Variants in BTN2A1 observed in about 807,000 individuals in gnomAD.
The protein encoded by BTN2A1 is butyrophilin, subfamily 2, member A1.
A neutral mutation model predicts 34.5 loss-of-function variants in BTN2A1; 41 were observed. The observed-to-expected ratio is 1.19, with a 90% CI of 0.93 to 1.54. BTN2A1 has a LOEUF of 1.54. Ranked by LOEUF, BTN2A1 falls within the 40% of genes most tolerant of loss-of-function variation. The probability of loss-of-function intolerance (pLI) is 0.00; values close to 1 mark genes in which losing one functional copy is unlikely to be tolerated. For missense variants in BTN2A1, 642 were observed against 662.0 expected, an observed-to-expected ratio of 0.97 and a Z score of 0.33; for synonymous variants, 267 against 258.6, an observed-to-expected ratio of 1.03 and a Z score of -0.31.
Position 26,469,285 on chromosome 6 carries a change from G to C in BTN2A1, c.*736G>C. 5.0e-6 allele frequency: 5 copies of C among 994,718 alleles called. No homozygotes were observed. Among genetic ancestry groups the C allele is most frequent in the Non-Finnish European group, 6.0e-6 (5 of 835,064 alleles). The allele number at this position is 994,718 out of a possible 1,614,324, so 61.6% of individuals were successfully genotyped here. A position where few individuals can be genotyped will look rare whatever the true frequency, so the allele number is the denominator to read the frequency against. On this transcript the variant is annotated 3_prime_UTR_variant, in exon 8 of 8. Coordinates refer to ENST00000312541, the MANE Select transcript of BTN2A1 (RefSeq NM_007049.5). ...AATTTGAGGTCCTGGCTGAGCCAAG[G>C]AGTAATGGACCAGATCTACCTCAGT...
At chr6:26,459,358 C>G in intron 2 of BTN2A1, 123 bp from the exon 3 acceptor site, 2 of 1,090,628 alleles carry the variant, frequency 1.8e-6, no homozygotes, top group Non-Finnish European at 2.6e-6. Flanking sequence ...CCAGATTTCT[C>G]AGCCCAAAGA....
In BTN2A1 at chr6:26,468,954, G is replaced by A. The variant is rs1763400395; in HGVS notation, c.*405G>A. On this transcript the variant is annotated 3_prime_UTR_variant, in exon 8 of 8. Transcript: ENST00000312541. ...GGGTTCACCAGGATGTAAGAGGAGAGAGGAATCCACAGGACCACCAGAGAG... is the reference window on the plus strand; with the variant it reads ...GGGTTCACCAGGATGTAAGAGGAGAAAGGAATCCACAGGACCACCAGAGAG... 1 of 1,215,956 alleles carries A rather than the reference G, an allele frequency of 8.2e-7. No homozygotes were observed. Among genetic ancestry groups the A allele is most frequent in the Non-Finnish European group, 1.0e-6 (1 of 959,474 alleles). 75.3% of individuals were successfully genotyped at this position (1,215,956 alleles called of 1,614,324 possible).
Position 26,463,226 on chromosome 6 carries a change from C to T in BTN2A1, c.431-18C>T. The T allele has an allele frequency of 6.4e-7, 1 of 1,555,422 alleles. No individual in the cohort carries two copies. Among genetic ancestry groups the T allele is most frequent in the Non-Finnish European group, 8.7e-7 (1 of 1,153,510 alleles). ...AAAAGGCACTGACTTTTGCCTGAAC[C>T]CTGATATCTCTCCACAGGACTAGGC... On this transcript the variant is annotated intron_variant, in intron 3 of 7. Transcript: ENST00000312541.
intron 7 of BTN2A1, among the ~76,000 whole-genome samples, chr6:26,467,143 C>G (rs1763336692): frequency 1.3e-5 from 2 of 152,100 alleles, no homozygotes; most frequent in Admixed American, 1.3e-4. Context: ...CACATAGGAC[C>G]AATGAAGAGA....
intron 2 of BTN2A1, 140 bp downstream of exon 2, chr6:26,458,858 C>A: frequency 1.7e-6 from 2 of 1,157,262 alleles, no homozygotes; most frequent in Non-Finnish European, 1.3e-6. Context: ...TTTATACCAG[C>A]ACTGTCCAAA....
In BTN2A1 at chr6:26,468,979, G is replaced by C; in HGVS notation, c.*430G>C. 2 of 1,200,892 alleles carry C rather than the reference G, an allele frequency of 1.7e-6. No individual in the cohort carries two copies. The highest frequency in any genetic ancestry group is 3.1e-5 in the South Asian group (2 of 63,940). The allele number at this position is 1,200,892 out of a possible 1,614,324, so 74.4% of individuals were successfully genotyped here. On this transcript the variant is annotated 3_prime_UTR_variant, in exon 8 of 8. Coordinates refer to ENST00000312541, the MANE Select transcript of BTN2A1 (RefSeq NM_007049.5). ...GAGGAATCCACAGGACCACCAGAGAGGAGAGGGAACCAGATATGCAGATCA... is the reference window on the plus strand; with the variant it reads ...GAGGAATCCACAGGACCACCAGAGACGAGAGGGAACCAGATATGCAGATCA...
At chr6:26,465,462 T>C in intron 5 of BTN2A1, 56 bp downstream of exon 5, 2 of 1,539,662 alleles carry the variant, frequency 1.3e-6, no homozygotes, top group Non-Finnish European at 8.9e-7. Flanking sequence ...TGTGGGAGGC[T>C]GAGGCAGGCA....
In BTN2A1 at chr6:26,458,717, A is replaced by G. The variant is rs770545022; in HGVS notation, c.81A>G (p.Ser27=). 1.2e-6 allele frequency: 2 copies of G among 1,613,898 alleles called. No individual in the cohort carries two copies. The highest frequency in any genetic ancestry group is 1.7e-6 in the Non-Finnish European group (2 of 1,179,944). ...LLLLSLCALV[S]AQFIVVGPTD... is the part of the protein sequence containing the mutation. ...TCCTCAGCCTGTGTGCACTGGTCTC[A>G]GGTAGGGATGTGTGCCACTTGCTGC... The change falls in exon 2 of 8, where the codon TCA becomes TCG. Residue 27 remains serine (S), a splice_region_variant and synonymous_variant. Coordinates refer to ENST00000312541, the MANE Select transcript of BTN2A1 (RefSeq NM_007049.5).
chr6:26,471,021 G>T (rs1193017526), downstream of BTN2A1, among the ~76,000 whole-genome samples: 3 of 152,140 alleles, frequency 2.0e-5, no homozygotes, highest in Non-Finnish European at 4.4e-5. Flanking sequence ...CATCTAAAAT[G>T]CTGGCTTAAA....
In BTN2A1 at chr6:26,468,745, TC is replaced by T; in HGVS notation, c.*198del. On this transcript the variant is annotated 3_prime_UTR_variant, in exon 8 of 8. Coordinates refer to ENST00000312541, the MANE Select transcript of BTN2A1 (RefSeq NM_007049.5). ...CTCACTAGGCTGTGTTTTTAGTAGT[TC>T]CTTTGCTTGTAACTATGGGATGGGA... The T allele has an allele frequency of 1.2e-6, 2 of 1,611,008 alleles. No homozygotes were observed. Among genetic ancestry groups the T allele is most frequent in the Non-Finnish European group, 1.7e-6 (2 of 1,178,694 alleles).
intron 4 of BTN2A1, among the ~76,000 whole-genome samples, chr6:26,464,852 G>C (rs770282300): frequency 1.1e-4 from 17 of 152,186 alleles, no homozygotes; most frequent in Non-Finnish European, 2.1e-4. Flanking sequence ...CAGAAGGTAA[G>C]GGCAGAATAA....
chr6:26,473,214 C>G (rs1763480721), downstream of BTN2A1, among the ~76,000 whole-genome samples: 1 of 152,128 alleles, frequency 6.6e-6, no homozygotes, highest in Admixed American at 6.5e-5. Flanking sequence ...CTCCTGTCTG[C>G]TATCACTAGG....
intron 4 of BTN2A1, 121 bp downstream of exon 4, chr6:26,463,646 G>C: frequency 8.3e-7 from 1 of 1,200,656 alleles, no homozygotes; most frequent in South Asian, 1.5e-5. Context: ...CTAAGGACCT[G>C]GAGGCTGCAG....
At chr6:26,476,152 CA>C in exon 8 of BTN2A1, 1 of 1,536,294 alleles carries the variant, frequency 6.5e-7, no homozygotes, top group Non-Finnish European at 8.7e-7. Context: ...TATCATTTAC[CA>C]AACTTAGGGT....
intron 7 of BTN2A1, among the ~76,000 whole-genome samples, chr6:26,466,341 C>T (rs1561872476): frequency 6.6e-6 from 1 of 152,188 alleles, no homozygotes; most frequent in Non-Finnish European, 1.5e-5. Flanking sequence ...GCATGATTAC[C>T]AGAGGTGTCC....
At chr6:26,471,792 A>G (rs958743914), downstream of BTN2A1, among the ~76,000 whole-genome samples, 7 of 152,202 alleles carry the variant, frequency 4.6e-5, no homozygotes, top group Non-Finnish European at 8.8e-5. Flanking sequence ...TTGTGGATAC[A>G]TTAAGGTTGA....
At chr6:26,465,510 G>C in intron 5 of BTN2A1, 104 bp downstream of exon 5, 1 of 1,005,870 alleles carries the variant, frequency 9.9e-7, no homozygotes, top group Non-Finnish European at 1.5e-6. Context: ...CAGCCTGGGC[G>C]ATAAAGTGAG....
chr6:26,459,836 G>T lies in BTN2A1; in HGVS notation c.430+8G>T. 1.2e-6 allele frequency: 2 copies of T among 1,604,548 alleles called. No individual in the cohort carries two copies. On this transcript the variant is annotated splice_region_variant and intron_variant, in intron 3 of 7. Transcript: ENST00000312541. ...TGCACCTCGTAGTGGCAGGTGCGTC[G>T]CTTCATTTTGCTTTGTTACTTTGGC...
Position 26,462,973 on chromosome 6 carries a change from G to A in BTN2A1, c.431-271G>A. On this transcript the variant is annotated intron_variant, in intron 3 of 7. Transcript: ENST00000312541. The stretch of plus-strand genomic sequence containing the variant: ...AGATAGATGCTTGGTGCTGTGATGG[G>A]GCCTATAGGTGGACCGCAAAGAAAA... 3.5e-6 allele frequency: 4 copies of A among 1,157,734 alleles called. No individual in the cohort carries two copies. The South Asian group carries it at 4.3e-5, about 12-fold the overall frequency. 71.7% of individuals were successfully genotyped at this position (1,157,734 alleles called of 1,614,324 possible). A position where few individuals can be genotyped will look rare whatever the true frequency, so the allele number is the denominator to read the frequency against.
Sources: gnomAD v4.1 joint callset for allele counts (sites outside exome capture counted in the v4.1 genomes callset) on GRCh38, gnomAD v4.1.1 for gene constraint, MANE v1.5 for transcripts, NCBI Gene and HGNC (gene_info 2026-07-23, HGNC 2026-07-21) for gene names.